Variants in CAPN8 observed in about 807,000 individuals in gnomAD.
CAPN8 encodes calpain 8.
A neutral mutation model predicts 80.9 loss-of-function variants in CAPN8; 87 were observed. The ratio of observed to expected loss-of-function variants is 1.07; its 90% CI spans 0.90 to 1.28. CAPN8 has a LOEUF of 1.28. Among genes scored for constraint, CAPN8 ranks in the 50% most tolerant of loss-of-function variants. CAPN8 has a pLI of 0.00. For synonymous variants in CAPN8, 299 were observed against 273.8 expected (o/e 1.09, Z -0.91); for missense variants, 757 against 702.0 (o/e 1.08, Z -0.89).
intron 1 of CAPN8, among the ~76,000 whole-genome samples, chr1:223,663,056 G>GA (rs1358393265): frequency 6.6e-6 from 1 of 152,196 alleles, no homozygotes; most frequent in African/African-American, 2.4e-5. Context: ...ACACGCACTT[G>GA]AAAACTCCAA....
At chr1:223,627,194 C>T (rs1000158255) in intron 4 of CAPN8, 37 bp from the exon 5 acceptor site, 2 of 1,547,882 alleles carry the variant, frequency 1.3e-6, no homozygotes, top group African/African-American at 1.4e-5. Flanking sequence ...CCATTAGCAC[C>T]CTCAGCAAGG....
At chr1:223,557,201 C>A (rs1399843090) in intron 13 of CAPN8, among the ~76,000 whole-genome samples, 2 of 98,676 alleles carry the variant, frequency 2.0e-5, no homozygotes, top group Admixed American at 1.0e-4. Flanking sequence ...GGCACCATCT[C>A]ATGCATCAGC....
At position 223,639,150 on chromosome 1, in the gene CAPN8, G is replaced by A. The variant is rs112958743; in HGVS notation, c.308-10370C>T. ...AGCTACTCGGGAGGCTGAGGCAGGA[G>A]AATTGCTTGAACCTGGGAGGCAGAG... On this transcript the variant is annotated intron_variant, in intron 2 of 20. Transcript: ENST00000366872. Among the ~76,000 whole-genome samples, 1,090 of 152,312 alleles carry A rather than the reference G, an allele frequency of 7.2e-3. 11 individuals carry two copies. The highest frequency in any genetic ancestry group is 0.024 in the African/African-American group (988 of 41,566).
At chr1:223,619,161 T>G in intron 9 of CAPN8, 132 bp downstream of exon 9, 1 of 1,106,884 alleles carries the variant, frequency 9.0e-7, no homozygotes, top group Non-Finnish European at 1.3e-6. Flanking sequence ...GCCACTACAC[T>G]CCAACCTGGG....
chr1:223,545,274 GC>G lies in CAPN8; in HGVS notation c.1789del (p.Ala597ArgfsTer9). The G allele has an allele frequency of 6.4e-7, 1 of 1,551,562 alleles. No homozygotes were observed. The highest frequency in any genetic ancestry group is 8.7e-7 in the Non-Finnish European group (1 of 1,146,944). Reference protein sequence around the residue: ...LDSNGTGTLGAVEFKTLWLKI... With the variant: ...LDSNGTGTLGXVEFKTLWLKI... ...CAGCCAGAGCGTCTTGAATTCCACCGCCCCCAAAGTGCCCGTTCCATTGCTC... is the reference window on the plus strand; with the variant it reads ...CAGCCAGAGCGTCTTGAATTCCACCGCCCCAAAGTGCCCGTTCCATTGCTC... On this transcript the variant is annotated frameshift_variant, in exon 17 of 21. Coordinates refer to ENST00000366872, the MANE Select transcript of CAPN8 (RefSeq NM_001143962.2). LOFTEE classifies it high-confidence loss of function.
intron 5 of CAPN8, 80 bp from the exon 6 acceptor site, chr1:223,625,968 C>G: frequency 2.6e-6 from 3 of 1,135,580 alleles, no homozygotes; most frequent in Non-Finnish European, 3.9e-6. Context: ...CAAGGACACA[C>G]TACACAGCCA....
chr1:223,634,032 G>A (rs1266780900), intron 2 of CAPN8, among the ~76,000 whole-genome samples: 1 of 152,150 alleles, frequency 6.6e-6, no homozygotes, highest in Non-Finnish European at 1.5e-5. Flanking sequence ...CCAAAGCAGG[G>A]AACATGTATG....
chr1:223,616,020 G>A lies in CAPN8; in HGVS notation c.1261C>T (p.Arg421Trp), dbSNP rs376301243. Residue 421 changes from arginine to tryptophan, a missense_variant, in exon 10 of 21, where the codon CGG becomes TGG. By Grantham distance (101) the Arg-to-Trp change is moderately radical (BLOSUM62 -3). Transcript: ENST00000366872. ...AGCATGCCTTGTCCTATCCGCTTCC[G>A]CCACCTGCGATTTTTCTGCATCAGG... is the stretch of plus-strand genomic sequence containing the variant. The part of the protein sequence containing the change: ...LGLMQKNRRW[R>W]KRIGQGMLSI... The A allele has an allele frequency of 5.2e-5, 81 of 1,552,266 alleles. No individual in the cohort carries two copies. The highest frequency in any genetic ancestry group is 5.0e-4 in the Middle Eastern group (3 of 5,998).
chr1:223,549,675 C>T (rs1204693599), intron 15 of CAPN8: 1 of 519,420 alleles, frequency 1.9e-6, no homozygotes, highest in African/African-American at 1.9e-5. Flanking sequence ...GCTTTAATTT[C>T]CTCCTCCATC....
chr1:223,657,888 A>G (rs1398840593), intron 1 of CAPN8, among the ~76,000 whole-genome samples: 1 of 152,174 alleles, frequency 6.6e-6, no homozygotes, highest in Non-Finnish European at 1.5e-5. Flanking sequence ...GTCATCAATA[A>G]TAACTAACTT....
intron 4 of CAPN8, 138 bp downstream of exon 4, chr1:223,627,871 C>G: frequency 9.9e-7 from 1 of 1,009,328 alleles, no homozygotes; most frequent in Non-Finnish European, 1.4e-6. Context: ...TGCTCTCTCT[C>G]CGGCTCATGG....
At chr1:223,622,578 C>T (rs555690276) in intron 7 of CAPN8, 65 of 548,250 alleles carry the variant, frequency 1.2e-4, no homozygotes, top group African/African-American at 1.1e-3. Flanking sequence ...TCCACAGAGC[C>T]GCCAAACTTT....
chr1:223,651,808 A>G (rs1658349371), intron 2 of CAPN8, among the ~76,000 whole-genome samples: 1 of 152,264 alleles, frequency 6.6e-6, no homozygotes, highest in Admixed American at 6.5e-5. Context: ...CAAATACTTT[A>G]TTAAGTGAAA....
rs539409399 is a variant in CAPN8 at position 223,647,629 on chromosome 1, G to A, written c.307+6701C>T. Among the ~76,000 whole-genome samples, 3 of 152,056 alleles carry A rather than the reference G, an allele frequency of 2.0e-5. No individual in the cohort carries two copies. In the South Asian group the frequency reaches 6.2e-4, roughly 32 times the overall value. On this transcript the variant is annotated intron_variant, in intron 2 of 20. Coordinates refer to ENST00000366872, the MANE Select transcript of CAPN8 (RefSeq NM_001143962.2). ...TGACTTGTGTTTCTTTTTCCCAGAT[G>A]TGTCCTCAACCTTAGCAAAATAAAA...
intron 2 of CAPN8, among the ~76,000 whole-genome samples, chr1:223,653,642 T>C (rs1244989485): frequency 6.6e-6 from 1 of 152,130 alleles, no homozygotes; most frequent in Non-Finnish European, 1.5e-5. Flanking sequence ...GCCCATAAAA[T>C]GTAAGGATTG....
intron 7 of CAPN8, among the ~76,000 whole-genome samples, chr1:223,622,133 C>G: frequency 6.6e-6 from 1 of 152,270 alleles, no homozygotes; most frequent in Middle Eastern, 3.4e-3. Flanking sequence ...ATTCCTCCCC[C>G]ACACTAACCT....
chr1:223,620,967 TA>T (rs66669646), intron 7 of CAPN8, among the ~76,000 whole-genome samples: 37 of 147,080 alleles, frequency 2.5e-4, no homozygotes, highest in Admixed American at 3.4e-4. Flanking sequence ...GATCCATCTT[TA>T]AAAAAAAAAA....
At chr1:223,646,251 T>C (rs1033772255) in intron 2 of CAPN8, among the ~76,000 whole-genome samples, 8 of 152,242 alleles carry the variant, frequency 5.3e-5, no homozygotes, top group African/African-American at 1.9e-4. Flanking sequence ...AAGAAGGGTA[T>C]CACCTGTCCT....
At chr1:223,628,393 C>A (rs1186492746) in intron 3 of CAPN8, among the ~76,000 whole-genome samples, 1 of 152,210 alleles carries the variant, frequency 6.6e-6, no homozygotes. Flanking sequence ...GGAAGTGATT[C>A]AGACCCACAC....
Sources: gnomAD v4.1 joint callset for allele counts (sites outside exome capture counted in the v4.1 genomes callset) on GRCh38, gnomAD v4.1.1 for gene constraint, MANE v1.5 for transcripts, NCBI Gene and HGNC (gene_info 2026-07-23, HGNC 2026-07-21) for gene names.